The following PCCA variants were observed in gnomAD, a reference collection of about 807,000 sequenced individuals.
PCCA encodes the protein propionyl-CoA carboxylase subunit alpha, also known as propionyl-CoA carboxylase alpha chain, mitochondrial.
Under a neutral mutation model 101.3 loss-of-function variants are expected in PCCA, and 74 were observed. The observed-to-expected ratio is 0.73, with a 90% confidence interval of 0.61 to 0.89. The LOEUF is 0.89. Ranked by LOEUF, PCCA falls within the 40% of genes least tolerant of loss-of-function variation. The pLI is 0.00. For synonymous variants in PCCA, 294 were observed against 313.6 expected (o/e 0.94, Z 0.66); for missense variants, 891 against 907.0 (o/e 0.98, Z 0.23).
intron 6 of PCCA, among the ~76,000 whole-genome samples, chr13:100,170,076 A>T (rs2055486279): frequency 6.6e-6 from 1 of 152,210 alleles, no homozygotes; most frequent in South Asian, 2.1e-4. Context: ...TAGATTAGAT[A>T]AGTTGCTGAA....
At chr13:100,150,915 T>G (rs1342996627) in intron 4 of PCCA, 1 of 1,547,884 alleles carries the variant, frequency 6.5e-7, no homozygotes, top group East Asian at 2.2e-5. Flanking sequence ...ATCCTATATA[T>G]AACGTAACCT....
intron 22 of PCCA, among the ~76,000 whole-genome samples, chr13:100,525,008 G>A (rs564728607): frequency 2.0e-4 from 30 of 152,012 alleles, no homozygotes; most frequent in Admixed American, 1.5e-3. Context: ...TAGATAGATA[G>A]ATAGATAGAT....
intron 7 of PCCA, among the ~76,000 whole-genome samples, chr13:100,215,381 C>G (rs1168755475): frequency 6.6e-6 from 1 of 152,068 alleles, no homozygotes; most frequent in Admixed American, 6.5e-5. Context: ...GGAGCTTACA[C>G]TATAGAAGGA....
intron 4 of PCCA, among the ~76,000 whole-genome samples, chr13:100,137,606 A>G (rs1157177354): frequency 1.3e-5 from 2 of 151,996 alleles, no homozygotes; most frequent in African/African-American, 4.8e-5. Context: ...TCCCTTGTAA[A>G]TTTCTTTGCT....
At chr13:100,194,771 C>T (rs1458768607) in intron 6 of PCCA, among the ~76,000 whole-genome samples, 2 of 152,134 alleles carry the variant, frequency 1.3e-5, no homozygotes, top group Non-Finnish European at 2.9e-5. Flanking sequence ...GATCTCTTGC[C>T]TTTCACCAGT....
At chr13:100,300,687 G>T (rs2152682766) in intron 12 of PCCA, among the ~76,000 whole-genome samples, 1 of 152,356 alleles carries the variant, frequency 6.6e-6, no homozygotes, top group African/African-American at 2.4e-5. Flanking sequence ...TCAAGGTTAA[G>T]AATTTCTAAG....
In PCCA at chr13:100,262,844, A is replaced by G. The variant is rs776906079; in HGVS notation, c.819+13A>G. Reference sequence around the variant, plus strand: ...TATAGAAATCCAGGTTGGTACATTTAAGATGCTTTTTCATTATTATTTTAA... The same window carrying G: ...TATAGAAATCCAGGTTGGTACATTTGAGATGCTTTTTCATTATTATTTTAA... On this transcript the variant is annotated intron_variant, in intron 10 of 23. Transcript: ENST00000376285. 4 of 994,332 alleles carry G rather than the reference A, an allele frequency of 4.0e-6. No homozygotes were observed. The highest frequency in any genetic ancestry group is 6.4e-6 in the Non-Finnish European group (4 of 620,210). The allele number at this position is 994,332 out of a possible 1,614,324, so 61.6% of individuals were successfully genotyped here.
In PCCA at chr13:100,195,326, G is replaced by T. The variant is rs186267601; in HGVS notation, c.469-14006G>T. On this transcript the variant is annotated intron_variant, in intron 6 of 23. Coordinates refer to ENST00000376285, the MANE Select transcript of PCCA (RefSeq NM_000282.4). ...ATTTGTATCGATATGTTTAATTAAA[G>T]CATTATTGTTATTATTATGTAAAGC... Among the ~76,000 whole-genome samples the T allele has an allele frequency of 8.5e-5, 13 of 152,190 alleles. No homozygotes were observed. In the East Asian group the frequency reaches 2.1e-3, roughly 25 times the overall value.
At chr13:100,506,313 A>G (rs1028919782) in intron 21 of PCCA, among the ~76,000 whole-genome samples, 2 of 143,728 alleles carry the variant, frequency 1.4e-5, no homozygotes, top group African/African-American at 5.1e-5. Flanking sequence ...GTAAACCCCA[A>G]GATTCTTAGG....
chr13:100,125,862 C>G (rs897725557), intron 4 of PCCA, among the ~76,000 whole-genome samples: 5 of 152,104 alleles, frequency 3.3e-5, no homozygotes, highest in Admixed American at 2.6e-4. Flanking sequence ...GGTATTTGTT[C>G]ACATTAATAC....
At chr13:100,353,609 T>C (rs1306132596) in intron 18 of PCCA, among the ~76,000 whole-genome samples, 1 of 152,130 alleles carries the variant, frequency 6.6e-6, no homozygotes, top group East Asian at 1.9e-4. Flanking sequence ...ACGTGTGGGC[T>C]GCACATAAGC....
At chr13:100,421,223 T>C (rs1052265084) in intron 19 of PCCA, among the ~76,000 whole-genome samples, 2 of 151,904 alleles carry the variant, frequency 1.3e-5, no homozygotes, top group Non-Finnish European at 2.9e-5. Flanking sequence ...AAAAAATTAA[T>C]GTACTGTATG....
At chr13:100,177,906 C>CTT (rs571616005) in intron 6 of PCCA, among the ~76,000 whole-genome samples, 2 of 149,152 alleles carry the variant, frequency 1.3e-5, no homozygotes, top group African/African-American at 4.9e-5. Context: ...TGAAGGAGAT[C>CTT]TTTTTTTTTT....
chr13:100,483,108 C>T (rs2084079928), intron 21 of PCCA, among the ~76,000 whole-genome samples: 1 of 152,116 alleles, frequency 6.6e-6, no homozygotes, highest in Non-Finnish European at 1.5e-5. Flanking sequence ...GAATTCATCA[C>T]TTAAAAAAGG....
intron 4 of PCCA, among the ~76,000 whole-genome samples, chr13:100,151,506 C>A (rs919434486): frequency 9.9e-5 from 15 of 151,880 alleles, no homozygotes; most frequent in African/African-American, 3.6e-4. Context: ...GCAGGAGAAT[C>A]GCTTGAACCT....
intron 22 of PCCA, among the ~76,000 whole-genome samples, chr13:100,523,927 G>A (rs1305170506): frequency 3.9e-5 from 6 of 152,330 alleles, no homozygotes; most frequent in Admixed American, 6.5e-5. Context: ...AACGGGCCCC[G>A]CACATGGGGG....
At chr13:100,439,095 G>A (rs2080155059) in intron 20 of PCCA, among the ~76,000 whole-genome samples, 1 of 152,140 alleles carries the variant, frequency 6.6e-6, no homozygotes, top group Non-Finnish European at 1.5e-5. Flanking sequence ...GTTCTCAGTA[G>A]CTACGTGTAG....
chr13:100,331,645 A>G (rs1022902421), intron 17 of PCCA, among the ~76,000 whole-genome samples: 7 of 152,176 alleles, frequency 4.6e-5, no homozygotes, highest in African/African-American at 1.7e-4. Context: ...AGGCAAATGA[A>G]GAATGGCTCT....
At chr13:100,169,959 G>A (rs1390894669) in intron 6 of PCCA, among the ~76,000 whole-genome samples, 1 of 152,136 alleles carries the variant, frequency 6.6e-6, no homozygotes, top group African/African-American at 2.4e-5. Flanking sequence ...CTCAGCCTCC[G>A]GAAGTGCTGG....
Sources: allele counts gnomAD v4.1 joint callset (sites outside exome capture counted in the v4.1 genomes callset), GRCh38; gene constraint gnomAD v4.1.1; transcripts MANE v1.5; gene names NCBI Gene and HGNC (gene_info 2026-07-23, HGNC 2026-07-21).